Variants in GDI2 observed in about 807,000 individuals in gnomAD.
GDI2 encodes the protein GDP dissociation inhibitor 2.
GDI2 carries 22 observed loss-of-function variants against 54.2 expected under a neutral mutation model. The ratio of observed to expected loss-of-function variants is 0.41; its 90% confidence interval spans 0.29 to 0.58. GDI2 has a LOEUF of 0.58. Among genes scored for constraint, GDI2 ranks in the 20% least tolerant of loss-of-function variants. The probability of loss-of-function intolerance (pLI) is 0.35; values close to 1 mark genes in which losing one functional copy is unlikely to be tolerated. For synonymous variants in GDI2, 177 were observed against 182.1 expected (o/e 0.97, Z 0.23); for missense variants, 422 against 546.0 (o/e 0.77, Z 2.26).
intron 6 of GDI2, among the ~76,000 whole-genome samples, chr10:5,778,051 C>T (rs1444261217): frequency 3.3e-5 from 5 of 152,102 alleles, no homozygotes; most frequent in South Asian, 2.1e-4. Flanking sequence ...AACCAAATAC[C>T]GCATGTTCTC....
rs967127721 is a variant in GDI2, at chr10:5,802,491, C to T, written c.46-1786G>A. 9.9e-5 allele frequency among the ~76,000 whole-genome samples: 15 copies of T among 151,784 alleles called. No individual in the cohort carries two copies. The East Asian group carries it at 2.7e-3, about 28-fold the overall frequency. The stretch of plus-strand genomic sequence containing the variant: ...GCGCATGCCTGTAATCCCAGCTACT[C>T]GGGAGGCTGAGGCAGGAGAATCGCT... On this transcript the variant is annotated intron_variant, in intron 1 of 10. Coordinates refer to ENST00000380191, the MANE Select transcript of GDI2 (RefSeq NM_001494.4).
At chr10:5,797,342 C>T (rs957350077) in intron 2 of GDI2, among the ~76,000 whole-genome samples, 2 of 151,862 alleles carry the variant, frequency 1.3e-5, no homozygotes, top group Non-Finnish European at 2.9e-5. Context: ...GTCAGGAGTA[C>T]AAGAAAAGCC....
chr10:5,813,348 G>T lies in GDI2; in HGVS notation c.-90C>A. 1.1e-6 allele frequency: 1 copy of T among 929,742 alleles called. No individual in the cohort carries two copies. Among genetic ancestry groups the T allele is most frequent in the Non-Finnish European group, 1.6e-6 (1 of 606,646 alleles). 57.6% of individuals were successfully genotyped at this position (929,742 alleles called of 1,614,324 possible). A position where few individuals can be genotyped will look rare whatever the true frequency, so the allele number is the denominator to read the frequency against. ...ACGAGGCTGGGAGGCGCTCTTGGGC[G>T]CGAAGGAAAGGGGAAGAGAAAGAGA... On this transcript the variant is annotated 5_prime_UTR_variant, in exon 1 of 11. Transcript: ENST00000380191.
intron 4 of GDI2, among the ~76,000 whole-genome samples, chr10:5,786,607 T>C (rs78213534): frequency 1.4e-5 from 1 of 69,510 alleles, no homozygotes; most frequent in African/African-American, 4.3e-5. Context: ...AACTACTACT[T>C]AACTGAATGA....
intron 2 of GDI2, among the ~76,000 whole-genome samples, chr10:5,798,967 G>A (rs1025403887): frequency 2.0e-5 from 3 of 151,674 alleles, no homozygotes; most frequent in Non-Finnish European, 2.9e-5. Context: ...GAGCAAGACT[G>A]TCTCAAAAAA....
intron 5 of GDI2, 50 bp from the exon 6 acceptor site, chr10:5,785,323 G>T (rs766054329): frequency 3.0e-6 from 4 of 1,349,090 alleles, no homozygotes; most frequent in East Asian, 2.4e-5. Context: ...TTTCATTCAT[G>T]GTGTTCAATT....
In GDI2 at chr10:5,774,152, C is replaced by T. The variant is rs1051721333; in HGVS notation, c.720-211G>A. Among the ~76,000 whole-genome samples the T allele has an allele frequency of 2.0e-5, 3 of 152,104 alleles. No individual in the cohort carries two copies. Among genetic ancestry groups the T allele is most frequent in the African/African-American group, 7.2e-5 (3 of 41,432 alleles). On this transcript the variant is annotated intron_variant, in intron 6 of 10. Coordinates refer to ENST00000380191, the MANE Select transcript of GDI2 (RefSeq NM_001494.4). This position sits in a 1 kb window ranked among gnomAD's most constrained non-coding sequence, Gnocchi z 4.8. Reference sequence around the variant, plus strand: ...TACGAAGTCAAAAAAAATCACTAACCAGGCACTTGTCTTTCGAGCTGCCCA... The same window carrying T: ...TACGAAGTCAAAAAAAATCACTAACTAGGCACTTGTCTTTCGAGCTGCCCA...
chr10:5,767,000 G>C lies in GDI2; in HGVS notation c.992-362C>G, dbSNP rs980855656. Among the ~76,000 whole-genome samples the C allele has an allele frequency of 6.6e-6, 1 of 152,156 alleles. No homozygotes were observed. Among genetic ancestry groups the C allele is most frequent in the Non-Finnish European group, 1.5e-5 (1 of 68,036 alleles). On this transcript the variant is annotated intron_variant, in intron 8 of 10. Coordinates refer to ENST00000380191, the MANE Select transcript of GDI2 (RefSeq NM_001494.4). This position sits in a 1 kb window ranked among gnomAD's most constrained non-coding sequence, Gnocchi z 5.8. ...ATTTAGAAAGGTTCTGAATGGCTAA[G>C]AAAGGATGTACTTAGTACTGACGTC...
At chr10:5,771,038 A>G (rs1840478840) in intron 7 of GDI2, among the ~76,000 whole-genome samples, 1 of 151,932 alleles carries the variant, frequency 6.6e-6, no homozygotes, top group African/African-American at 2.4e-5. Context: ...ATGGAGGGAA[A>G]AAGACTAATA....
intron 2 of GDI2, among the ~76,000 whole-genome samples, chr10:5,797,955 A>T (rs1841183804): frequency 6.6e-6 from 1 of 152,236 alleles, no homozygotes; most frequent in Non-Finnish European, 1.5e-5. Flanking sequence ...AAAGATAATT[A>T]AAATTAGTTC....
chr10:5,768,192 C>G lies in GDI2; in HGVS notation c.991+21G>C. 6.3e-7 allele frequency: 1 copy of G among 1,590,612 alleles called. No individual in the cohort carries two copies. Among genetic ancestry groups the G allele is most frequent in the South Asian group, 1.1e-5 (1 of 90,244 alleles). On this transcript the variant is annotated intron_variant, in intron 8 of 10. Transcript: ENST00000380191. The surrounding 1 kb of genome is among the most constrained non-coding windows in gnomAD (Gnocchi z 4.4). ...ATATCTTACAAAATTCTACCAACAT[C>G]TGCTGGTCTTCAAACCTCACCTGAC...
rs920925554 is a variant in GDI2, at chr10:5,774,801, T to TTG, written c.720-862_720-861dup. ...ACACTGTCTATTCTCCTGTTTTTCC[T>TTG]TGTGTGTGTGTTCTAAAATGGCCTT... On this transcript the variant is annotated intron_variant, in intron 6 of 10. Transcript: ENST00000380191. This position sits in a 1 kb window ranked among gnomAD's most constrained non-coding sequence, Gnocchi z 4.8. Among the ~76,000 whole-genome samples the TTG allele has an allele frequency of 6.6e-6, 1 of 152,124 alleles. No homozygotes were observed. Among genetic ancestry groups the TTG allele is most frequent in the Non-Finnish European group, 1.5e-5 (1 of 68,024 alleles).
chr10:5,789,415 T>A (rs983740734), intron 4 of GDI2, among the ~76,000 whole-genome samples: 4 of 151,892 alleles, frequency 2.6e-5, no homozygotes, highest in Non-Finnish European at 5.9e-5. Context: ...ATTTTTTTTT[T>A]AAGAGATAGG....
rs1350195609 is a variant in GDI2 at position 5,766,508 on chromosome 10, T to C, written c.1122A>G (p.Glu374=). 3 of 1,613,564 alleles carry C rather than the reference T, an allele frequency of 1.9e-6. No homozygotes were observed. The highest frequency in any genetic ancestry group is 2.2e-5 in the South Asian group (2 of 91,062). ...KEIRPALELL[E]PIEQKFVSIS... is the part of the protein sequence containing the mutation. Reference sequence around the variant, plus strand: ...ACACAACTCACTTCTGTTCAATTGGTTCCAAGAGCTCCAAAGCTGGTCTGA... The same window carrying C: ...ACACAACTCACTTCTGTTCAATTGGCTCCAAGAGCTCCAAAGCTGGTCTGA... The change falls in exon 9 of 11, where the codon GAA becomes GAG. Residue 374 remains glutamate, a synonymous_variant. Transcript: ENST00000380191. This position sits in a 1 kb window ranked among gnomAD's most constrained non-coding sequence, Gnocchi z 5.8.
Position 5,765,940 on chromosome 10 carries a change from T to C in GDI2, c.*66A>G. On this transcript the variant is annotated 3_prime_UTR_variant, in exon 11 of 11. Coordinates refer to ENST00000380191, the MANE Select transcript of GDI2 (RefSeq NM_001494.4). ...ACAAAAGCAGGCCTTACAATATTGATTTCATTATATGCATTATTTGCCAAA... is the reference window on the plus strand; with the variant it reads ...ACAAAAGCAGGCCTTACAATATTGACTTCATTATATGCATTATTTGCCAAA... The C allele has an allele frequency of 2.5e-6, 3 of 1,182,996 alleles. No homozygotes were observed. Among genetic ancestry groups the C allele is most frequent in the African/African-American group, 1.5e-5 (1 of 65,292 alleles). 73.3% of individuals were successfully genotyped at this position (1,182,996 alleles called of 1,614,324 possible). A position where few individuals can be genotyped will look rare whatever the true frequency, so the allele number is the denominator to read the frequency against.
At chr10:5,808,023 C>A (rs907940195) in intron 1 of GDI2, among the ~76,000 whole-genome samples, 21 of 152,122 alleles carry the variant, frequency 1.4e-4, no homozygotes, top group Non-Finnish European at 5.9e-5. Flanking sequence ...TTTTGATATA[C>A]CTTCCTAGTG....
Position 5,768,400 on chromosome 10 carries a change from T to G in GDI2, c.820-16A>C. 6.4e-7 allele frequency: 1 copy of G among 1,563,436 alleles called. No homozygotes were observed. Among genetic ancestry groups the G allele is most frequent in the South Asian group, 1.1e-5 (1 of 89,986 alleles). ...AGCGAGCAATCTATAACAAAGCATT[T>G]AAGAAGACACTGAAGCGGACAAGGA... is the stretch of plus-strand genomic sequence containing the variant. On this transcript the variant is annotated splice_polypyrimidine_tract_variant and intron_variant, in intron 7 of 10. Coordinates refer to ENST00000380191, the MANE Select transcript of GDI2 (RefSeq NM_001494.4). This position sits in a 1 kb window ranked among gnomAD's most constrained non-coding sequence, Gnocchi z 4.4.
At chr10:5,788,373 G>T (rs763071135) in intron 4 of GDI2, among the ~76,000 whole-genome samples, 4 of 151,968 alleles carry the variant, frequency 2.6e-5, no homozygotes, top group Non-Finnish European at 5.9e-5. Flanking sequence ...TATTTAAAGC[G>T]TCCTTCTCAC....
intron 4 of GDI2, among the ~76,000 whole-genome samples, chr10:5,790,842 T>G (rs774652092): frequency 6.6e-6 from 1 of 152,150 alleles, no homozygotes; most frequent in African/African-American, 2.4e-5. Flanking sequence ...TGTTGGTATT[T>G]TGACCTCCTC....
Sources: allele counts gnomAD v4.1 joint callset (sites outside exome capture counted in the v4.1 genomes callset), GRCh38; gene constraint gnomAD v4.1.1; non-coding constraint Gnocchi (gnomAD v3.1); transcripts MANE v1.5; gene names NCBI Gene and HGNC (gene_info 2026-07-23, HGNC 2026-07-21).